C20orf96: variants seen among roughly 807,000 people sequenced by gnomAD.
C20orf96 encodes the protein chromosome 20 open reading frame 96.
C20orf96 carries 57 observed loss-of-function variants against 52.6 expected under a neutral mutation model. The observed-to-expected ratio is 1.08, with a 90% CI of 0.88 to 1.35. The LOEUF is 1.35. Ranked by LOEUF, C20orf96 falls within the 40% of genes most tolerant of loss-of-function variation. C20orf96 has a pLI of 0.00. For missense variants in C20orf96, 478 were observed against 443.6 expected, an observed-to-expected ratio of 1.08 and a Z score of -0.70; for synonymous variants, 168 against 157.2, an observed-to-expected ratio of 1.07 and a Z score of -0.51.
chr20:278,281 C>T (rs2012093573), intron 6 of C20orf96, 49 bp downstream of exon 6: 1 of 1,415,298 alleles, frequency 7.1e-7, no homozygotes, highest in African/African-American at 1.4e-5. Flanking sequence ...CTGCTGACCT[C>T]CCCAAGGTGC....
rs2012517773 is a variant in C20orf96, at chr20:290,562, A to AAT, written c.20+27_20+28dup. 2.7e-6 allele frequency: 4 copies of AAT among 1,506,310 alleles called. No homozygotes were observed. The South Asian group carries it at 4.7e-5, about 18-fold the overall frequency. 93.3% of individuals were successfully genotyped at this position (1,506,310 alleles called of 1,614,324 possible). ...CGCATGCGTATTCCGCCTTTCTTCC[A>AAT]ATTTTTTTTTTTTTTTTTTTTTACC... On this transcript the variant is annotated intron_variant, in intron 1 of 10. Transcript: ENST00000360321.
chr20:285,000 T>TA (rs573970125), intron 3 of C20orf96, among the ~76,000 whole-genome samples: 54 of 152,336 alleles, frequency 3.5e-4, no homozygotes, highest in South Asian at 1.4e-3. Context: ...GCCCACCTCA[T>TA]AGAGTCTTCC....
chr20:279,360 G>A (rs1568491818), intron 4 of C20orf96, 30 bp from the exon 5 acceptor site: 1 of 1,592,958 alleles, frequency 6.3e-7, no homozygotes, highest in Non-Finnish European at 8.5e-7. Context: ...CAGAGAGGCG[G>A]CGCTGCGCCC....
At chr20:278,487 AC>A in intron 5 of C20orf96, 58 bp from the exon 6 acceptor site, 3 of 1,336,648 alleles carry the variant, frequency 2.2e-6, no homozygotes, top group Non-Finnish European at 3.2e-6. Context: ...AGAGGCGGCC[AC>A]CCAGCACTTC....
intron 3 of C20orf96, among the ~76,000 whole-genome samples, chr20:285,725 G>A (rs1386464143): frequency 1.3e-5 from 2 of 152,100 alleles, no homozygotes; most frequent in Non-Finnish European, 2.9e-5. Flanking sequence ...GGGATAACAG[G>A]TGCCCGCCAC....
chr20:277,198 G>C, intron 7 of C20orf96, 28 bp downstream of exon 7: 1 of 1,613,708 alleles, frequency 6.2e-7, no homozygotes, highest in Non-Finnish European at 8.5e-7. Flanking sequence ...CACACAGTCT[G>C]GTGGGAGAGG....
In C20orf96 at chr20:290,728, A is replaced by C. The variant is rs2012528469; in HGVS notation, c.-118T>G. The C allele has an allele frequency of 8.1e-7, 1 of 1,228,214 alleles. No individual in the cohort carries two copies. The allele number at this position is 1,228,214 out of a possible 1,614,324, so 76.1% of individuals were successfully genotyped here. A position where few individuals can be genotyped will look rare whatever the true frequency, so the allele number is the denominator to read the frequency against. On this transcript the variant is annotated 5_prime_UTR_variant, in exon 1 of 11. Transcript: ENST00000360321. ...TCGCGCGGTAACCCAGGCCACTCAGAAGTCCCGAGACCCGATGCTTTCGCC... is the reference window on the plus strand; with the variant it reads ...TCGCGCGGTAACCCAGGCCACTCAGCAGTCCCGAGACCCGATGCTTTCGCC...
At chr20:273,881 AG>A (rs773067925) in intron 10 of C20orf96, among the ~76,000 whole-genome samples, 13,229 of 95,872 alleles carry the variant, frequency 0.14, 1,425 homozygotes, top group African/African-American at 0.28. Flanking sequence ...TGTCTCAAGA[AG>A]AAGGAAGGAA....
At chr20:285,486 T>G (rs1031083129) in intron 3 of C20orf96, among the ~76,000 whole-genome samples, 1 of 152,202 alleles carries the variant, frequency 6.6e-6, no homozygotes, top group Non-Finnish European at 1.5e-5. Flanking sequence ...CCTGTATATA[T>G]CCGGTTTTTA....
chr20:290,426 G>GC (rs893041058), intron 1 of C20orf96, 119 bp from the exon 2 acceptor site: 2 of 1,546,704 alleles, frequency 1.3e-6, no homozygotes, highest in Non-Finnish European at 1.7e-6. Flanking sequence ...GGGGACAATA[G>GC]CCCCGCGGGA....
In C20orf96 at chr20:278,268, C is replaced by G. The variant is rs1028116821; in HGVS notation, c.565+62G>C. The G allele has an allele frequency of 2.4e-6, 3 of 1,234,250 alleles. No homozygotes were observed. The Admixed American group carries it at 5.0e-5, about 21-fold the overall frequency. 76.5% of individuals were successfully genotyped at this position (1,234,250 alleles called of 1,614,324 possible). A position where few individuals can be genotyped will look rare whatever the true frequency, so the allele number is the denominator to read the frequency against. On this transcript the variant is annotated intron_variant, in intron 6 of 10. Transcript: ENST00000360321. ...GAATGGCAAGTACAAGGTGAATGCT[C>G]TGCTGCTGACCTCCCCAAGGTGCCA...
intron 2 of C20orf96, 66 bp downstream of exon 2, chr20:290,193 G>C: frequency 3.2e-6 from 4 of 1,267,400 alleles, no homozygotes; most frequent in Non-Finnish European, 4.5e-6. Flanking sequence ...GACCGTGAGA[G>C]TGGAGAGCAG....
intron 4 of C20orf96, among the ~76,000 whole-genome samples, chr20:280,658 TA>T (rs1178255175): frequency 6.6e-6 from 1 of 152,188 alleles, no homozygotes; most frequent in Non-Finnish European, 1.5e-5. Flanking sequence ...AAGAACTGAG[TA>T]GCCTTAAAAC....
At chr20:274,807 TTTTTTTTTTAATTAAAAAAAAA>T (rs2011963413) in intron 10 of C20orf96, among the ~76,000 whole-genome samples, 1 of 144,544 alleles carries the variant, frequency 6.9e-6, no homozygotes, top group Non-Finnish European at 1.5e-5. Context: ...TTCTTTTTTC[TTTTTTTTTTAATTAAAAAAAAA>T]TTTTTTTTTA....
At chr20:279,106 G>GGGCGGGACGGAGGGAC in intron 5 of C20orf96, 66 bp downstream of exon 5, 2 of 964,330 alleles carry the variant, frequency 2.1e-6, no homozygotes, top group Non-Finnish European at 2.8e-6. Flanking sequence ...GAGGGACGGA[G>GGGCGGGACGGAGGGAC]GGAGGGAGGG....
intron 4 of C20orf96, among the ~76,000 whole-genome samples, chr20:281,007 T>C (rs1270398298): frequency 6.6e-6 from 1 of 151,918 alleles, no homozygotes; most frequent in East Asian, 1.9e-4. Context: ...GTAAACAAAA[T>C]TCGCTGGGTG....
chr20:285,444 G>A (rs1298646919), intron 3 of C20orf96, among the ~76,000 whole-genome samples: 2 of 152,164 alleles, frequency 1.3e-5, no homozygotes, highest in African/African-American at 4.8e-5. Flanking sequence ...AGATGATTAA[G>A]TAAATTAATT....
At chr20:277,888 G>C (rs946951681) in intron 6 of C20orf96, among the ~76,000 whole-genome samples, 3 of 152,146 alleles carry the variant, frequency 2.0e-5, no homozygotes, top group African/African-American at 7.2e-5. Flanking sequence ...GGAACCACAG[G>C]CCAGGCAGGA....
chr20:280,275 TAAC>T lies in C20orf96; in HGVS notation c.307-948_307-946del, dbSNP rs750160976. Among the ~76,000 whole-genome samples, 14 of 112,792 alleles carry T rather than the reference TAAC, an allele frequency of 1.2e-4. No homozygotes were observed. In the South Asian group the frequency reaches 3.7e-3, roughly 30 times the overall value. The allele number at this position is 112,792 out of a possible 152,430, so 74.0% of individuals were successfully genotyped here. On this transcript the variant is annotated intron_variant, in intron 4 of 10. Coordinates refer to ENST00000360321, the MANE Select transcript of C20orf96 (RefSeq NM_153269.3). ...AGGTGCATAAAACCTACAGTAACAA[TAAC>T]AACAACAATTGTACTCCCCTAAGGT...
Sources: allele counts gnomAD v4.1 joint callset (sites outside exome capture counted in the v4.1 genomes callset), GRCh38; gene constraint gnomAD v4.1.1; transcripts MANE v1.5; gene names NCBI Gene and HGNC (gene_info 2026-07-23, HGNC 2026-07-21).